The following CDH18 variants were observed in gnomAD, a reference collection of about 807,000 sequenced individuals.
The protein encoded by CDH18 is cadherin 18, also known as cadherin-18.
Under a neutral mutation model 67.9 loss-of-function variants are expected in CDH18, and 31 were observed. That is an observed-to-expected ratio of 0.46 (90% CI 0.34 to 0.62). The LOEUF is 0.62. CDH18 is among the 20% of genes least tolerant of loss of function. The probability of loss-of-function intolerance (pLI) is 0.01; values close to 1 mark genes in which losing one functional copy is unlikely to be tolerated. For synonymous variants in CDH18, 362 were observed against 347.2 expected, an observed-to-expected ratio of 1.04 and a Z score of -0.48; for missense variants, 890 against 975.5, an observed-to-expected ratio of 0.91 and a Z score of 1.17.
chr5:19,670,146 G>C (rs772927870), intron 5 of CDH18, among the ~76,000 whole-genome samples: 2 of 151,948 alleles, frequency 1.3e-5, no homozygotes, highest in Admixed American at 6.6e-5. Flanking sequence ...TTTGTGCATA[G>C]AACTAGCAGG....
At chr5:19,559,901 C>T (rs922943402) in intron 8 of CDH18, among the ~76,000 whole-genome samples, 2 of 141,748 alleles carry the variant, frequency 1.4e-5, no homozygotes, top group Admixed American at 1.4e-4. Flanking sequence ...AACTCAACCC[C>T]TTTATAATAG....
intron 2 of CDH18, among the ~76,000 whole-genome samples, chr5:19,845,757 C>T (rs1335361688): frequency 6.6e-6 from 1 of 151,108 alleles, no homozygotes; most frequent in Non-Finnish European, 1.5e-5. Context: ...ATATAATGCC[C>T]TTATTTGTCT....
intron 6 of CDH18, among the ~76,000 whole-genome samples, chr5:19,594,607 G>A (rs1745872041): frequency 6.6e-6 from 1 of 151,986 alleles, no homozygotes; most frequent in Non-Finnish European, 1.5e-5. Context: ...TTTAATTACT[G>A]CAGCATTTTA....
chr5:19,712,176 C>T lies in CDH18; in HGVS notation c.643+9171G>A, dbSNP rs181395696. Among the ~76,000 whole-genome samples the T allele has an allele frequency of 1.6e-3, 245 of 151,990 alleles. 1 individual carries two copies. Among genetic ancestry groups the T allele is most frequent in the African/African-American group, 4.8e-3 (198 of 41,500 alleles). On this transcript the variant is annotated intron_variant, in intron 5 of 12. Transcript: ENST00000382275. ...CTGAAGGGTGGGCAGGAATGAGGAA[C>T]GGGAAATTACTTATTGGGTACAAAG...
At chr5:20,112,596 C>T (rs1244026543) in intron 2 of CDH18, among the ~76,000 whole-genome samples, 2 of 151,918 alleles carry the variant, frequency 1.3e-5, no homozygotes, top group Admixed American at 1.3e-4. Context: ...AAAATAAATC[C>T]CCAGCTACTT....
chr5:19,569,713 C>A lies in CDH18; in HGVS notation c.1253+1866G>T, dbSNP rs999666946. 3.9e-5 allele frequency among the ~76,000 whole-genome samples: 6 copies of A among 152,142 alleles called. No individual in the cohort carries two copies. In the East Asian group the frequency reaches 1.2e-3, roughly 29 times the overall value. On this transcript the variant is annotated intron_variant, in intron 8 of 12. Transcript: ENST00000382275. ...AAACACTAGGTTCTATTTCTTCCAC[C>A]TAAATGTACATATTGGTACCCACTG...
chr5:20,100,569 T>C (rs1400248951), intron 2 of CDH18, among the ~76,000 whole-genome samples: 2 of 152,210 alleles, frequency 1.3e-5, no homozygotes, highest in Admixed American at 1.3e-4. Flanking sequence ...TTGATTTTAT[T>C]ACAATTTTTT....
intron 5 of CDH18, among the ~76,000 whole-genome samples, chr5:19,626,213 A>C (rs1390908438): frequency 6.6e-6 from 1 of 152,214 alleles, no homozygotes; most frequent in Non-Finnish European, 1.5e-5. Flanking sequence ...ACCAAGAAAA[A>C]AATAAAAACA....
At chr5:20,326,934 G>C (rs576076944) in intron 1 of CDH18, among the ~76,000 whole-genome samples, 1 of 152,274 alleles carries the variant, frequency 6.6e-6, no homozygotes, top group South Asian at 2.1e-4. Context: ...ACTACTTTCT[G>C]TAAATGACAG....
intron 2 of CDH18, among the ~76,000 whole-genome samples, chr5:20,069,072 C>T (rs1019742684): frequency 6.6e-6 from 1 of 152,028 alleles, no homozygotes; most frequent in Non-Finnish European, 1.5e-5. Context: ...CTTCTTTTTC[C>T]AGTCACATTA....
chr5:19,905,042 A>G (rs544109913), intron 2 of CDH18, among the ~76,000 whole-genome samples: 9 of 152,272 alleles, frequency 5.9e-5, no homozygotes, highest in African/African-American at 2.2e-4. Flanking sequence ...AAGAACCTCA[A>G]TTTATATTAT....
At chr5:19,614,994 A>C (rs1283735938) in intron 5 of CDH18, among the ~76,000 whole-genome samples, 5 of 152,124 alleles carry the variant, frequency 3.3e-5, no homozygotes, top group Non-Finnish European at 7.3e-5. Context: ...AAAAATACAA[A>C]AAATTAGCTG....
intron 2 of CDH18, among the ~76,000 whole-genome samples, chr5:20,234,927 G>T (rs1194537981): frequency 6.6e-6 from 1 of 151,992 alleles, no homozygotes; most frequent in African/African-American, 2.4e-5. Context: ...AACTGCAATT[G>T]GGGAAAGTAT....
At chr5:20,235,477 C>T (rs1742402718) in intron 2 of CDH18, among the ~76,000 whole-genome samples, 1 of 152,038 alleles carries the variant, frequency 6.6e-6, no homozygotes, top group South Asian at 2.1e-4. Context: ...TCATGACAAA[C>T]ACGTCTCAAA....
intron 2 of CDH18, among the ~76,000 whole-genome samples, chr5:19,935,679 A>T (rs1010427777): frequency 4.0e-5 from 6 of 150,626 alleles, no homozygotes; most frequent in African/African-American, 1.5e-4. Flanking sequence ...TTGTTAAGTG[A>T]TTCATTATCC....
chr5:19,646,577 G>A (rs1365618911), intron 5 of CDH18, among the ~76,000 whole-genome samples: 2 of 152,174 alleles, frequency 1.3e-5, no homozygotes, highest in Middle Eastern at 3.4e-3. Context: ...TGACCTCGTC[G>A]TGATCCACCT....
intron 2 of CDH18, among the ~76,000 whole-genome samples, chr5:20,245,309 T>C (rs965649434): frequency 5.9e-5 from 9 of 152,152 alleles, no homozygotes; most frequent in African/African-American, 2.2e-4. Context: ...ATCATTTTTA[T>C]ATCCCCATAA....
chr5:19,993,710 G>A (rs562710394), intron 2 of CDH18, among the ~76,000 whole-genome samples: 1 of 151,404 alleles, frequency 6.6e-6, no homozygotes, highest in East Asian at 1.9e-4. Flanking sequence ...ACATATACAC[G>A]CATATAGATA....
rs1217120184 is a variant in CDH18, at chr5:19,599,811, C to T, written c.812-8567G>A. 4.6e-5 allele frequency among the ~76,000 whole-genome samples: 7 copies of T among 152,022 alleles called. No homozygotes were observed. The South Asian group carries it at 8.3e-4, about 18-fold the overall frequency. ...CTGAGGCAGGAGAATGGCGTGAACC[C>T]GGGAGGCAGAGCTTGCAGTGAGCCG... On this transcript the variant is annotated intron_variant, in intron 6 of 12. Coordinates refer to ENST00000382275, the MANE Select transcript of CDH18 (RefSeq NM_004934.5).
Sources: allele counts gnomAD v4.1 joint callset (sites outside exome capture counted in the v4.1 genomes callset), GRCh38; gene constraint gnomAD v4.1.1; transcripts MANE v1.5; gene names NCBI Gene and HGNC (gene_info 2026-07-23, HGNC 2026-07-21).